The following SOX5 variants were observed in gnomAD, a reference collection of about 807,000 sequenced individuals.
SOX5 encodes the protein transcription factor SOX-5.
A neutral mutation model predicts 92.0 loss-of-function variants in SOX5; 9 were observed. The ratio of observed to expected loss-of-function variants is 0.10; its 90% CI spans 0.06 to 0.17. The LOEUF is 0.17. SOX5 is among the 10% of genes least tolerant of loss of function. SOX5 has a pLI of 1.00. For missense variants in SOX5, 642 were observed against 944.5 expected (o/e 0.68, Z 4.20); for synonymous variants, 344 against 336.3 (o/e 1.02, Z -0.25).
intron 1 of SOX5, among the ~76,000 whole-genome samples, chr12:24,471,905 A>T (rs1944860308): frequency 6.6e-6 from 1 of 152,092 alleles, no homozygotes; most frequent in South Asian, 2.1e-4. Flanking sequence ...GATCTAAACC[A>T]GACAAAACAA....
chr12:23,931,201 T>C (rs113265043), intron 1 of SOX5, among the ~76,000 whole-genome samples: 5 of 151,970 alleles, frequency 3.3e-5, no homozygotes, highest in African/African-American at 1.2e-4. Flanking sequence ...TATTAGTTAC[T>C]GCAAATATTG....
At chr12:23,948,075 C>T (rs761244355) in intron 1 of SOX5, among the ~76,000 whole-genome samples, 20 of 152,012 alleles carry the variant, frequency 1.3e-4, no homozygotes, top group Non-Finnish European at 2.9e-4. Context: ...ATAACTTCAA[C>T]ATCTACCTAT....
chr12:23,805,867 T>C (rs1236070984), intron 3 of SOX5, among the ~76,000 whole-genome samples: 5 of 152,210 alleles, frequency 3.3e-5, no homozygotes, highest in Non-Finnish European at 7.4e-5. Flanking sequence ...TAATTTGCTG[T>C]ATGTGTAAAT....
At chr12:24,142,405 C>A (rs1044387034) in intron 4 of SOX5, among the ~76,000 whole-genome samples, 1 of 152,110 alleles carries the variant, frequency 6.6e-6, no homozygotes, top group African/African-American at 2.4e-5. Flanking sequence ...GATTCTGGTA[C>A]ATTTGTTCTA....
At chr12:23,886,189 C>A (rs2097062378) in intron 2 of SOX5, among the ~76,000 whole-genome samples, 2 of 151,888 alleles carry the variant, frequency 1.3e-5, no homozygotes, top group African/African-American at 2.4e-5. Context: ...CCTCAAAGCC[C>A]AAGTGTTTGT....
intron 4 of SOX5, among the ~76,000 whole-genome samples, chr12:24,196,795 C>T (rs1957051822): frequency 6.6e-6 from 1 of 152,110 alleles, no homozygotes. Flanking sequence ...CCCAACTACT[C>T]AGGAGGCTGA....
intron 1 of SOX5, among the ~76,000 whole-genome samples, chr12:24,512,022 A>G (rs1949369301): frequency 6.6e-6 from 1 of 152,188 alleles, no homozygotes. Context: ...ATTAAATTCA[A>G]TATTAAATCA....
At chr12:23,559,284 GAGA>G (rs1250739620) in intron 11 of SOX5, among the ~76,000 whole-genome samples, 1 of 152,126 alleles carries the variant, frequency 6.6e-6, no homozygotes, top group Non-Finnish European at 1.5e-5. Flanking sequence ...CTTCATACCT[GAGA>G]AGCTCACTTT....
intron 1 of SOX5, among the ~76,000 whole-genome samples, chr12:24,402,504 C>G (rs1203186180): frequency 6.6e-6 from 1 of 152,150 alleles, no homozygotes; most frequent in African/African-American, 2.4e-5. Flanking sequence ...TGCAGCTACT[C>G]TCTTGTTTTA....
chr12:24,439,894 C>CAATAAATA (rs35530047), intron 1 of SOX5, among the ~76,000 whole-genome samples: 2 of 151,832 alleles, frequency 1.3e-5, no homozygotes, highest in Non-Finnish European at 2.9e-5. Context: ...GACTCCATCT[C>CAATAAATA]AATAAATAAA....
chr12:23,978,088 A>G (rs1034632768), intron 4 of SOX5, among the ~76,000 whole-genome samples: 28 of 152,228 alleles, frequency 1.8e-4, no homozygotes, highest in Admixed American at 1.5e-3. Flanking sequence ...TGTGATTCAT[A>G]TAACTATTAT....
chr12:24,027,034 A>C (rs1454589085), intron 4 of SOX5, among the ~76,000 whole-genome samples: 1 of 152,032 alleles, frequency 6.6e-6, no homozygotes, highest in East Asian at 1.9e-4. Context: ...GCCAATTCCA[A>C]TCCACTAAAA....
intron 2 of SOX5, among the ~76,000 whole-genome samples, chr12:24,352,651 G>C (rs1000756063): frequency 1.3e-5 from 2 of 152,192 alleles, no homozygotes; most frequent in Non-Finnish European, 2.9e-5. Context: ...TCTGGGCCTT[G>C]ATATTATGTT....
intron 1 of SOX5, among the ~76,000 whole-genome samples, chr12:24,479,754 C>T (rs530515438): frequency 6.6e-6 from 1 of 152,184 alleles, no homozygotes; most frequent in South Asian, 2.1e-4. Flanking sequence ...CAACCTGTGC[C>T]TCCCAGGTTC....
intron 1 of SOX5, among the ~76,000 whole-genome samples, chr12:24,485,289 A>C (rs1260866060): frequency 6.6e-6 from 1 of 152,228 alleles, no homozygotes; most frequent in Non-Finnish European, 1.5e-5. Context: ...AAATAATTGC[A>C]AGATTTTTCT....
intron 3 of SOX5, among the ~76,000 whole-genome samples, chr12:23,835,802 T>A (rs1341954395): frequency 6.6e-6 from 1 of 151,816 alleles, no homozygotes; most frequent in Non-Finnish European, 1.5e-5. Flanking sequence ...AGGGCATAGA[T>A]TCTAGTCTAA....
chr12:24,498,551 T>C (rs1947874759), intron 1 of SOX5, among the ~76,000 whole-genome samples: 1 of 152,166 alleles, frequency 6.6e-6, no homozygotes, highest in African/African-American at 2.4e-5. Flanking sequence ...AACAATACAT[T>C]TTCAGGATCC....
chr12:24,012,129 G>GAA (rs11419407), intron 4 of SOX5, among the ~76,000 whole-genome samples: 212 of 151,736 alleles, frequency 1.4e-3, no homozygotes, highest in South Asian at 5.9e-3. Context: ...GACTTCAGCA[G>GAA]AAAAAAAACA....
rs16926723 is a variant in SOX5, at chr12:23,799,227, T to C, written c.482-43503A>G. ...GTATAAGCATTCTAACTTATTCTTG[T>C]TCATGGATTTGGTAGTGCTGATACT... On this transcript the variant is annotated intron_variant, in intron 3 of 14. Transcript: ENST00000451604. 9.8e-3 allele frequency among the ~76,000 whole-genome samples: 1,494 copies of C among 152,152 alleles called. 28 individuals carry two copies. The highest frequency in any genetic ancestry group is 0.034 in the African/African-American group (1,420 of 41,556).
Sources: gnomAD v4.1 joint callset for allele counts (sites outside exome capture counted in the v4.1 genomes callset) on GRCh38, gnomAD v4.1.1 for gene constraint, MANE v1.5 for transcripts, NCBI Gene and HGNC (gene_info 2026-07-23, HGNC 2026-07-21) for gene names.